Variants in MDGA2 observed in about 807,000 individuals in gnomAD.
MDGA2 encodes the protein MAM domain-containing glycosylphosphatidylinositol anchor protein 2.
In MDGA2, 40 loss-of-function variants were observed where a neutral mutation model predicts 117.8. That is an observed-to-expected ratio of 0.34 (90% CI 0.26 to 0.44). The LOEUF (loss-of-function observed/expected upper bound fraction) is 0.44. Ranked by LOEUF, MDGA2 falls within the 20% of genes least tolerant of loss-of-function variation. The probability of loss-of-function intolerance (pLI) is 1.00; values close to 1 mark genes in which losing one functional copy is unlikely to be tolerated. For synonymous variants in MDGA2, 452 were observed against 439.0 expected, an observed-to-expected ratio of 1.03 and a Z score of -0.37; for missense variants, 1,123 against 1,250.6, an observed-to-expected ratio of 0.90 and a Z score of 1.54.
At chr14:47,539,275 C>A (rs1257210415) in intron 1 of MDGA2, among the ~76,000 whole-genome samples, 1 of 152,162 alleles carries the variant, frequency 6.6e-6, no homozygotes, top group Non-Finnish European at 1.5e-5. Context: ...CCGGATGTTC[C>A]CATGCAGGCA....
intron 1 of MDGA2, among the ~76,000 whole-genome samples, chr14:47,363,884 T>C (rs1891177681): frequency 6.6e-6 from 1 of 152,216 alleles, no homozygotes; most frequent in Non-Finnish European, 1.5e-5. Flanking sequence ...AGAATGTATG[T>C]ATTTAAATAC....
At chr14:47,453,124 T>C (rs1289722936) in intron 1 of MDGA2, among the ~76,000 whole-genome samples, 2 of 152,060 alleles carry the variant, frequency 1.3e-5, no homozygotes, top group African/African-American at 4.8e-5. Context: ...AATAATATTA[T>C]AATTTATTAC....
At chr14:47,182,685 C>T (rs1243348529) in intron 3 of MDGA2, among the ~76,000 whole-genome samples, 1 of 152,126 alleles carries the variant, frequency 6.6e-6, no homozygotes, top group Admixed American at 6.6e-5. Context: ...AAGATGCATA[C>T]TTTAAGGTAA....
intron 9 of MDGA2, among the ~76,000 whole-genome samples, chr14:46,940,500 C>G (rs903360236): frequency 6.6e-6 from 1 of 151,724 alleles, no homozygotes; most frequent in African/African-American, 2.4e-5. Flanking sequence ...TGATGGCGGG[C>G]GCCTGTAATC....
chr14:47,191,410 A>T (rs1885108233), intron 3 of MDGA2, among the ~76,000 whole-genome samples: 1 of 119,578 alleles, frequency 8.4e-6, no homozygotes, highest in Admixed American at 7.6e-5. Flanking sequence ...TATATCTCAT[A>T]TATATTTACA....
rs542651638 is a variant in MDGA2 at position 47,518,306 on chromosome 14, T to C, written c.280+156211A>G. Among the ~76,000 whole-genome samples, 5 of 152,274 alleles carry C rather than the reference T, an allele frequency of 3.3e-5. No individual in the cohort carries two copies. In the East Asian group the frequency reaches 7.7e-4, roughly 23 times the overall value. ...GGAGAACAAATGTGCTAAATTTCTT[T>C]TTAATAAGAAGAGAACAATAATGCA... On this transcript the variant is annotated intron_variant, in intron 1 of 16. Coordinates refer to ENST00000399232, the MANE Select transcript of MDGA2 (RefSeq NM_001113498.3).
At chr14:47,038,333 T>C (rs561277998) in intron 7 of MDGA2, among the ~76,000 whole-genome samples, 4 of 152,286 alleles carry the variant, frequency 2.6e-5, no homozygotes, top group Non-Finnish European at 4.4e-5. Flanking sequence ...AGAAGTGGTG[T>C]CAAAAGATAG....
intron 12 of MDGA2, 35 bp from the exon 13 acceptor site, chr14:46,874,235 A>T: frequency 1.2e-5 from 12 of 1,006,878 alleles, no homozygotes; most frequent in Non-Finnish European, 1.6e-5. Flanking sequence ...AATATTAATT[A>T]AATTAATACA....
chr14:47,199,349 A>C (rs1224439074), intron 3 of MDGA2, among the ~76,000 whole-genome samples: 1 of 152,186 alleles, frequency 6.6e-6, no homozygotes, highest in Non-Finnish European at 1.5e-5. Flanking sequence ...TCCTAGAAAC[A>C]CTTTCTTTAA....
At chr14:47,465,119 A>AT (rs1377045625) in intron 1 of MDGA2, among the ~76,000 whole-genome samples, 8 of 152,118 alleles carry the variant, frequency 5.3e-5, no homozygotes, top group African/African-American at 1.9e-4. Flanking sequence ...TATTCAATAA[A>AT]TGGTGCTGGG....
Position 47,255,000 on chromosome 14 carries a change from C to G in MDGA2, c.421-36805G>C, listed in dbSNP as rs547284924. 2.2e-4 allele frequency among the ~76,000 whole-genome samples: 34 copies of G among 152,238 alleles called. No individual in the cohort carries two copies. In the South Asian group the frequency reaches 6.6e-3, roughly 30 times the overall value. ...CTGACTATCAGGAAAATGGCATGAG[C>G]GAAACCTCCCCCATGATTCAATTAC... On this transcript the variant is annotated intron_variant, in intron 2 of 16. Transcript: ENST00000399232.
intron 1 of MDGA2, among the ~76,000 whole-genome samples, chr14:47,554,164 G>A (rs190062710): frequency 1.3e-5 from 2 of 152,244 alleles, no homozygotes; most frequent in African/African-American, 4.8e-5. Context: ...TTTGGGCTGT[G>A]TTCCTTTCTC....
intron 15 of MDGA2, among the ~76,000 whole-genome samples, chr14:46,854,190 TA>T (rs1009137127): frequency 3.4e-4 from 52 of 151,582 alleles, no homozygotes; most frequent in African/African-American, 1.2e-4. Context: ...ATGAAATGCA[TA>T]AAAAAAATCA....
intron 1 of MDGA2, among the ~76,000 whole-genome samples, chr14:47,310,904 G>A (rs1013642980): frequency 3.3e-5 from 5 of 152,070 alleles, no homozygotes; most frequent in Non-Finnish European, 5.9e-5. Flanking sequence ...GGAAAGGATG[G>A]CATTTAATCC....
chr14:46,937,131 AT>A (rs1884811594), intron 9 of MDGA2, among the ~76,000 whole-genome samples: 1 of 152,100 alleles, frequency 6.6e-6, no homozygotes. Flanking sequence ...AATCAGTAGC[AT>A]TTACATATGC....
chr14:47,537,640 C>G (rs1895251898), intron 1 of MDGA2, among the ~76,000 whole-genome samples: 1 of 110,534 alleles, frequency 9.0e-6, no homozygotes, highest in Admixed American at 1.0e-4. Flanking sequence ...AAGCTTGTTA[C>G]AGTACTAAAT....
rs1032018063 is a variant in MDGA2, at chr14:47,394,597, A to C, written c.281-93047T>G. 5.3e-5 allele frequency among the ~76,000 whole-genome samples: 8 copies of C among 152,166 alleles called. No individual in the cohort carries two copies. The East Asian group carries it at 1.5e-3, about 29-fold the overall frequency. Reference sequence around the variant, plus strand: ...CTAAAACAGAATACAAAGAAGACTTAATGTTTCTCTTTATATATGCTAGTA... The same window carrying C: ...CTAAAACAGAATACAAAGAAGACTTCATGTTTCTCTTTATATATGCTAGTA... On this transcript the variant is annotated intron_variant, in intron 1 of 16. Coordinates refer to ENST00000399232, the MANE Select transcript of MDGA2 (RefSeq NM_001113498.3).
At chr14:46,979,401 A>G (rs1167792477) in intron 8 of MDGA2, among the ~76,000 whole-genome samples, 1 of 152,186 alleles carries the variant, frequency 6.6e-6, no homozygotes. Flanking sequence ...AGGAAGAGTT[A>G]CACATCTCTC....
At chr14:47,419,535 A>G (rs1892537212) in intron 1 of MDGA2, among the ~76,000 whole-genome samples, 1 of 152,072 alleles carries the variant, frequency 6.6e-6, no homozygotes, top group African/African-American at 2.4e-5. Flanking sequence ...AACTTGATTT[A>G]TTATGTTTAG....
Sources: allele counts gnomAD v4.1 joint callset (sites outside exome capture counted in the v4.1 genomes callset), GRCh38; gene constraint gnomAD v4.1.1; transcripts MANE v1.5; gene names NCBI Gene and HGNC (gene_info 2026-07-23, HGNC 2026-07-21).